Variants in PTPRN2 observed in about 807,000 individuals in gnomAD.
The protein encoded by PTPRN2 is protein tyrosine phosphatase receptor type N2, also known as receptor-type tyrosine-protein phosphatase N2.
PTPRN2 carries 74 observed loss-of-function variants against 118.8 expected under a neutral mutation model. The observed-to-expected ratio is 0.62, with a 90% CI of 0.52 to 0.76. The LOEUF is 0.76. Ranked by LOEUF, PTPRN2 falls within the 30% of genes least tolerant of loss-of-function variation. The probability of loss-of-function intolerance (pLI) is 0.00; values close to 1 mark genes in which losing one functional copy is unlikely to be tolerated. For missense variants in PTPRN2, 1,481 were observed against 1,394.4 expected, an observed-to-expected ratio of 1.06 and a Z score of -0.99; for synonymous variants, 641 against 608.0, an observed-to-expected ratio of 1.05 and a Z score of -0.80.
intron 12 of PTPRN2, among the ~76,000 whole-genome samples, chr7:157,842,480 T>A (rs1008818727): frequency 3.4e-5 from 5 of 148,446 alleles, no homozygotes; most frequent in African/African-American, 1.2e-4. Context: ...AGTGGCATGA[T>A]CTTGGCTCAC....
intron 3 of PTPRN2, among the ~76,000 whole-genome samples, chr7:158,237,855 C>T (rs749627119): frequency 3.6e-4 from 55 of 152,156 alleles, no homozygotes; most frequent in Non-Finnish European, 6.6e-4. Context: ...GCAGACACAG[C>T]GCTTACATGG....
chr7:158,538,689 G>A (rs1046340886), intron 1 of PTPRN2, among the ~76,000 whole-genome samples: 2 of 152,116 alleles, frequency 1.3e-5, no homozygotes, highest in African/African-American at 4.8e-5. Context: ...CCCATGCACT[G>A]CACTACGGAC....
At chr7:158,134,084 G>A (rs759515435) in intron 8 of PTPRN2, 25 bp from the exon 9 acceptor site, 2 of 1,598,482 alleles carry the variant, frequency 1.3e-6, no homozygotes, top group African/African-American at 1.3e-5. Flanking sequence ...ATTCCGTGAG[G>A]GACGTCTGCG....
At chr7:158,543,545 A>C (rs73510545) in intron 1 of PTPRN2, among the ~76,000 whole-genome samples, 1 of 152,242 alleles carries the variant, frequency 6.6e-6, no homozygotes, top group African/African-American at 2.4e-5. Context: ...ATAATGTAAA[A>C]AAACTGTTAC....
rs1475021473 is a variant in PTPRN2 at position 157,676,959 on chromosome 7, C to T, written c.2001+5766G>A. Among the ~76,000 whole-genome samples the T allele has an allele frequency of 6.6e-6, 1 of 152,144 alleles. No individual in the cohort carries two copies. The highest frequency in any genetic ancestry group is 1.5e-5 in the Non-Finnish European group (1 of 68,008). On this transcript the variant is annotated intron_variant, in intron 13 of 22. Coordinates refer to ENST00000389418, the MANE Select transcript of PTPRN2 (RefSeq NM_002847.5). This position sits in a 1 kb window ranked among gnomAD's most constrained non-coding sequence, Gnocchi z 5.6. ...CAACACAAGCCTAAGGGAAGCAGCA[C>T]CCGCTCCACAGACACCACGCACACC...
chr7:157,713,007 C>A (rs1315958428), intron 12 of PTPRN2, among the ~76,000 whole-genome samples: 1 of 152,146 alleles, frequency 6.6e-6, no homozygotes, highest in Non-Finnish European at 1.5e-5. Context: ...TTGGTGAGGG[C>A]GGCCTCGGGC....
intron 1 of PTPRN2, among the ~76,000 whole-genome samples, chr7:158,564,227 G>A (rs1827544184): frequency 6.6e-6 from 1 of 151,804 alleles, no homozygotes; most frequent in African/African-American, 2.4e-5. Flanking sequence ...TCTTGCTTAT[G>A]AAAAATCAAG....
At position 158,395,331 on chromosome 7, in the gene PTPRN2, GGCGAGGC is replaced by G. The variant is rs1563239890; in HGVS notation, c.164-78406_164-78400del. On this transcript the variant is annotated intron_variant, in intron 2 of 22. Coordinates refer to ENST00000389418, the MANE Select transcript of PTPRN2 (RefSeq NM_002847.5). ...GAGGGGTGAGGGGCGAGGGGCGAGGGGCGAGGCGCGAGGGGCCAGGGGCCAGGGGCGA... is the reference window on the plus strand; with the variant it reads ...GAGGGGTGAGGGGCGAGGGGCGAGGGGCGAGGGGCCAGGGGCCAGGGGCGA... Among the ~76,000 whole-genome samples the G allele has an allele frequency of 2.3e-4, 26 of 112,582 alleles. 1 individual carries two copies. The highest frequency in any genetic ancestry group is 3.3e-4 in the South Asian group (1 of 3,062). 73.9% of individuals were successfully genotyped at this position (112,582 alleles called of 152,430 possible).
chr7:157,788,094 G>A (rs1219606598), intron 12 of PTPRN2, among the ~76,000 whole-genome samples: 1 of 152,250 alleles, frequency 6.6e-6, no homozygotes, highest in African/African-American at 2.4e-5. Flanking sequence ...GCAGGGAAGA[G>A]GCTGGGCGCG....
At position 157,622,492 on chromosome 7, in the gene PTPRN2, G is replaced by A. The variant is rs770962257; in HGVS notation, c.2197-983C>T. The stretch of plus-strand genomic sequence containing the variant: ...GGTCCCTCCCTGCCCACTGGGGCCC[G>A]TTCCAGGAGACAGGTAGAGAAAGAG... On this transcript the variant is annotated intron_variant, in intron 14 of 22. Coordinates refer to ENST00000389418, the MANE Select transcript of PTPRN2 (RefSeq NM_002847.5). This position sits in a 1 kb window ranked among gnomAD's most constrained non-coding sequence, Gnocchi z 5.3. Among the ~76,000 whole-genome samples, 21 of 152,106 alleles carry A rather than the reference G, an allele frequency of 1.4e-4. No homozygotes were observed. Among genetic ancestry groups the A allele is most frequent in the Non-Finnish European group, 2.2e-4 (15 of 68,036 alleles).
intron 12 of PTPRN2, among the ~76,000 whole-genome samples, chr7:157,799,909 G>A (rs1379604811): frequency 2.1e-5 from 3 of 142,040 alleles, no homozygotes; most frequent in Non-Finnish European, 4.6e-5. Context: ...CCATCCCTCA[G>A]AGGCACCACA....
intron 2 of PTPRN2, among the ~76,000 whole-genome samples, chr7:158,385,700 A>C (rs1289358025): frequency 2.0e-5 from 3 of 152,206 alleles, no homozygotes; most frequent in Non-Finnish European, 4.4e-5. Context: ...CAGGCCTGCT[A>C]CTGATGAGCT....
intron 10 of PTPRN2, 66 bp downstream of exon 10, chr7:158,110,763 C>T (rs1816167762): frequency 7.1e-7 from 1 of 1,415,190 alleles, no homozygotes; most frequent in South Asian, 1.2e-5. Flanking sequence ...CAGCTCCTTC[C>T]CTCCCACCCA....
rs954509554 is a variant in PTPRN2 at position 157,540,397 on chromosome 7, G to T, written c.*317C>A. On this transcript the variant is annotated 3_prime_UTR_variant, in exon 23 of 23. Coordinates refer to ENST00000389418, the MANE Select transcript of PTPRN2 (RefSeq NM_002847.5). Reference sequence around the variant, plus strand: ...TCTTCCTGGAAACCGCCTCGAACGTGCTGGCTACTGCATTGTTAACACAAC... The same window carrying T: ...TCTTCCTGGAAACCGCCTCGAACGTTCTGGCTACTGCATTGTTAACACAAC... 2 of 226,792 alleles carry T rather than the reference G, an allele frequency of 8.8e-6. No individual in the cohort carries two copies. The highest frequency in any genetic ancestry group is 5.5e-5 in the Admixed American group (1 of 18,082). 14.0% of individuals were successfully genotyped at this position (226,792 alleles called of 1,614,324 possible). A position where few individuals can be genotyped will look rare whatever the true frequency, so the allele number is the denominator to read the frequency against.
intron 9 of PTPRN2, among the ~76,000 whole-genome samples, chr7:158,123,246 A>C (rs546281972): frequency 6.6e-6 from 1 of 152,342 alleles, no homozygotes; most frequent in East Asian, 1.9e-4. Context: ...AAAGTAGTTA[A>C]AATGTTTCCA....
chr7:158,567,896 A>G (rs1329984395), intron 1 of PTPRN2, among the ~76,000 whole-genome samples: 1 of 152,236 alleles, frequency 6.6e-6, no homozygotes, highest in African/African-American at 2.4e-5. Flanking sequence ...TGGCCTGGAC[A>G]CAGAAATGAC....
At chr7:158,548,459 A>C (rs1338073035) in intron 1 of PTPRN2, among the ~76,000 whole-genome samples, 1 of 151,994 alleles carries the variant, frequency 6.6e-6, no homozygotes, top group Admixed American at 6.6e-5. Context: ...GGGCTCTGCC[A>C]TGCTCCCGTT....
Position 157,784,730 on chromosome 7 carries a change from C to T in PTPRN2, c.1789-101793G>A, listed in dbSNP as rs972420534. On this transcript the variant is annotated intron_variant, in intron 12 of 22. Transcript: ENST00000389418. This position sits in a 1 kb window ranked among gnomAD's most constrained non-coding sequence, Gnocchi z 4.6. ...GAGCTGATCCCGTGGCAGTGCAAAC[C>T]GAGGGCCCCCTGGGTCTCGACATTT... Among the ~76,000 whole-genome samples, 6 of 151,658 alleles carry T rather than the reference C, an allele frequency of 4.0e-5. No homozygotes were observed. Among genetic ancestry groups the T allele is most frequent in the South Asian group, 2.1e-4 (1 of 4,820 alleles).
chr7:158,241,876 T>C (rs1054158439), intron 3 of PTPRN2, among the ~76,000 whole-genome samples: 3 of 152,170 alleles, frequency 2.0e-5, no homozygotes, highest in African/African-American at 7.2e-5. Context: ...ACAAAGTGCA[T>C]ATGGTCCTGG....
Sources: allele counts gnomAD v4.1 joint callset (sites outside exome capture counted in the v4.1 genomes callset), GRCh38; gene constraint gnomAD v4.1.1; non-coding constraint Gnocchi (gnomAD v3.1); transcripts MANE v1.5; gene names NCBI Gene and HGNC (gene_info 2026-07-23, HGNC 2026-07-21).